Variants in DPP10 observed in about 807,000 individuals in gnomAD.
DPP10 encodes the protein inactive dipeptidyl peptidase 10.
In DPP10, 33 loss-of-function variants were observed where a neutral mutation model predicts 120.9. That is an observed-to-expected ratio of 0.27 (90% CI 0.21 to 0.37). The LOEUF is 0.37. Among genes scored for constraint, DPP10 ranks in the 10% least tolerant of loss-of-function variants. The probability of loss-of-function intolerance (pLI) is 1.00; values close to 1 mark genes in which losing one functional copy is unlikely to be tolerated. For synonymous variants in DPP10, 337 were observed against 326.1 expected, an observed-to-expected ratio of 1.03 and a Z score of -0.36; for missense variants, 816 against 942.8, an observed-to-expected ratio of 0.87 and a Z score of 1.76.
intron 1 of DPP10, among the ~76,000 whole-genome samples, chr2:114,997,776 T>G (rs1385937088): frequency 6.6e-6 from 1 of 152,200 alleles, no homozygotes; most frequent in Non-Finnish European, 1.5e-5. Flanking sequence ...ATATACTGGC[T>G]GAGTGTCCTT....
intron 1 of DPP10, among the ~76,000 whole-genome samples, chr2:115,270,103 CACACACACACAG>C (rs1163366582): frequency 6.8e-6 from 1 of 147,706 alleles, no homozygotes; most frequent in Non-Finnish European, 1.5e-5. Flanking sequence ...CACACACACA[CACACACACACAG>C]ACACACACAC....
intron 8 of DPP10, among the ~76,000 whole-genome samples, chr2:115,732,511 T>A (rs539250365): frequency 6.6e-6 from 1 of 152,304 alleles, no homozygotes; most frequent in South Asian, 2.1e-4. Flanking sequence ...GAAGATTATT[T>A]AAAATGTAAT....
intron 1 of DPP10, among the ~76,000 whole-genome samples, chr2:115,208,742 A>G (rs1258621256): frequency 2.0e-5 from 3 of 152,128 alleles, no homozygotes; most frequent in African/African-American, 7.2e-5. Context: ...CTCTGCAACC[A>G]CAGTGGCAGG....
chr2:115,637,709 A>G (rs533206486), intron 5 of DPP10, among the ~76,000 whole-genome samples: 2 of 152,200 alleles, frequency 1.3e-5, no homozygotes, highest in Non-Finnish European at 2.9e-5. Flanking sequence ...TAGGCATAAG[A>G]CTTGATTAAA....
chr2:114,814,608 C>T (rs550882158), intron 1 of DPP10, among the ~76,000 whole-genome samples: 8 of 152,022 alleles, frequency 5.3e-5, no homozygotes, highest in South Asian at 2.1e-4. Flanking sequence ...TAGTGGCTAC[C>T]GTAGTAGATA....
At chr2:115,135,996 G>A (rs976773555) in intron 1 of DPP10, among the ~76,000 whole-genome samples, 1 of 152,076 alleles carries the variant, frequency 6.6e-6, no homozygotes, top group Admixed American at 6.6e-5. Flanking sequence ...CTTCTGCCAG[G>A]AGAGTTTTTT....
chr2:114,749,801 C>G (rs956116195), intron 1 of DPP10, among the ~76,000 whole-genome samples: 2 of 151,954 alleles, frequency 1.3e-5, no homozygotes, highest in Non-Finnish European at 2.9e-5. Context: ...CGTTAGTACA[C>G]TAAATGATGC....
At chr2:114,507,448 T>C (rs13397905) in intron 1 of DPP10, among the ~76,000 whole-genome samples, 18,106 of 152,166 alleles carry the variant, frequency 0.12, 2,511 homozygotes, top group African/African-American at 0.34. Context: ...GATACGTACG[T>C]GGTTATAGTT....
intron 5 of DPP10, among the ~76,000 whole-genome samples, chr2:115,578,522 G>A (rs1354536017): frequency 2.0e-5 from 3 of 152,094 alleles, no homozygotes; most frequent in Non-Finnish European, 2.9e-5. Flanking sequence ...ATAAGTTTCA[G>A]TAGCCCCATT....
chr2:115,763,147 T>C (rs1277137871), intron 12 of DPP10, among the ~76,000 whole-genome samples: 1 of 152,180 alleles, frequency 6.6e-6, no homozygotes, highest in Non-Finnish European at 1.5e-5. Context: ...AAATAGCTTA[T>C]TTAAATATAG....
chr2:115,368,904 T>C (rs2065236918), intron 3 of DPP10, among the ~76,000 whole-genome samples: 1 of 151,926 alleles, frequency 6.6e-6, no homozygotes, highest in African/African-American at 2.4e-5. Flanking sequence ...TATGGTAATA[T>C]TACTGTATGG....
At chr2:115,780,113 A>G (rs775982843) in intron 15 of DPP10, among the ~76,000 whole-genome samples, 1 of 151,980 alleles carries the variant, frequency 6.6e-6, no homozygotes, top group Non-Finnish European at 1.5e-5. Flanking sequence ...GGTATTCTCA[A>G]CAGTGTTTTC....
chr2:114,596,315 C>G (rs1573751335), intron 1 of DPP10, among the ~76,000 whole-genome samples: 1 of 110,504 alleles, frequency 9.0e-6, no homozygotes, highest in African/African-American at 4.5e-5. Context: ...ACCTCTCGTC[C>G]CTATATATAT....
chr2:115,638,976 T>G (rs1160968503), intron 5 of DPP10, among the ~76,000 whole-genome samples: 2 of 152,140 alleles, frequency 1.3e-5, no homozygotes, highest in African/African-American at 4.8e-5. Flanking sequence ...ACTGCCAAAG[T>G]AGGACTCTGA....
intron 1 of DPP10, among the ~76,000 whole-genome samples, chr2:114,471,621 T>C (rs1387809024): frequency 2.0e-5 from 3 of 152,204 alleles, no homozygotes; most frequent in Non-Finnish European, 4.4e-5. Context: ...AAAGAGTAGA[T>C]TTTCAATATG....
chr2:115,605,184 A>AT (rs2083619351), intron 5 of DPP10, among the ~76,000 whole-genome samples: 1 of 152,108 alleles, frequency 6.6e-6, no homozygotes, highest in Non-Finnish European at 1.5e-5. Context: ...ATTAACATGC[A>AT]TTTTTTTGGA....
chr2:114,835,389 AT>A (rs1687648315), intron 1 of DPP10: 1 of 152,132 alleles, frequency 6.6e-6, no homozygotes, highest in Non-Finnish European at 1.5e-5. Flanking sequence ...CTATTTATAT[AT>A]AAGCCATATT....
chr2:115,353,543 G>T (rs561793756), intron 3 of DPP10, among the ~76,000 whole-genome samples: 1 of 152,192 alleles, frequency 6.6e-6, no homozygotes, highest in East Asian at 1.9e-4. Context: ...TATTTTGTGG[G>T]AATGGGAGTT....
rs1334670280 is a variant in DPP10, at chr2:115,845,517, T to C, written c.*3172T>C. The C allele has an allele frequency of 2.0e-5, 3 of 152,204 alleles. No homozygotes were observed. The highest frequency in any genetic ancestry group is 7.2e-5 in the African/African-American group (3 of 41,446). The allele number at this position is 152,204 out of a possible 1,614,324, so 9.4% of individuals were successfully genotyped here. ...ATTCTACATGGTCCATGGAAGACTC[T>C]GTGGGCCGCAGAAGCCCATAGCTGC... On this transcript the variant is annotated 3_prime_UTR_variant, in exon 26 of 26. Transcript: ENST00000410059.
Sources: gnomAD v4.1 joint callset for allele counts (sites outside exome capture counted in the v4.1 genomes callset) on GRCh38, gnomAD v4.1.1 for gene constraint, MANE v1.5 for transcripts, NCBI Gene and HGNC (gene_info 2026-07-23, HGNC 2026-07-21) for gene names.